KCNH1: variants seen among roughly 807,000 people sequenced by gnomAD.
KCNH1 encodes the protein potassium voltage-gated channel subfamily H member 1.
Under a neutral mutation model 69.2 loss-of-function variants are expected in KCNH1, and 27 were observed. The observed-to-expected ratio is 0.39, with a 90% CI of 0.29 to 0.54. The LOEUF (loss-of-function observed/expected upper bound fraction) is 0.54, where lower values mean the gene tolerates loss of function less well. Ranked by LOEUF, KCNH1 falls within the 20% of genes least tolerant of loss-of-function variation. KCNH1 has a pLI of 0.68. For synonymous variants in KCNH1, 456 were observed against 487.7 expected, an observed-to-expected ratio of 0.93 and a Z score of 0.86; for missense variants, 798 against 1,261.6, an observed-to-expected ratio of 0.63 and a Z score of 5.57.
chr1:210,880,050 A>G (rs1015946947), intron 7 of KCNH1, among the ~76,000 whole-genome samples: 3 of 152,186 alleles, frequency 2.0e-5, no homozygotes, highest in African/African-American at 7.2e-5. Flanking sequence ...TTTAAGATCT[A>G]TGTGAGGAAA....
rs532282159 is a variant in KCNH1, at chr1:210,716,077, C to A, written c.2113-31939G>T. Among the ~76,000 whole-genome samples, 162 of 152,202 alleles carry A rather than the reference C, an allele frequency of 1.1e-3. 2 individuals carry two copies. The highest frequency in any genetic ancestry group is 2.3e-3 in the South Asian group (11 of 4,820). ...ACACTGCCCTGCTCTTGCCCCCTCC[C>A]CCCGCCATTTCTACTCAGTTATATT... is the stretch of plus-strand genomic sequence containing the variant. On this transcript the variant is annotated intron_variant, in intron 10 of 10. Transcript: ENST00000271751.
chr1:210,973,658 T>C (rs1372508740), intron 6 of KCNH1, among the ~76,000 whole-genome samples: 1 of 152,190 alleles, frequency 6.6e-6, no homozygotes, highest in Non-Finnish European at 1.5e-5. Context: ...TATATAATTT[T>C]ATACAGTTTA....
At chr1:210,808,448 G>A (rs901628940) in intron 7 of KCNH1, among the ~76,000 whole-genome samples, 5 of 152,162 alleles carry the variant, frequency 3.3e-5, no homozygotes, top group Non-Finnish European at 2.9e-5. Context: ...ATTCTGGAAG[G>A]TTAAGGGTCC....
rs183304084 is a variant in KCNH1 at position 210,966,030 on chromosome 1, A to G, written c.1033-45961T>C. Among the ~76,000 whole-genome samples the G allele has an allele frequency of 5.2e-3, 786 of 152,344 alleles. 7 individuals carry two copies. Among genetic ancestry groups the G allele is most frequent in the African/African-American group, 0.018 (752 of 41,580 alleles). ...AAAACAGCATGGTACTGGTACCAAAACAGATATACAGACCAATGGAACAGA... is the reference window on the plus strand; with the variant it reads ...AAAACAGCATGGTACTGGTACCAAAGCAGATATACAGACCAATGGAACAGA... On this transcript the variant is annotated intron_variant, in intron 6 of 10. Transcript: ENST00000271751.
intron 10 of KCNH1, among the ~76,000 whole-genome samples, chr1:210,770,743 G>GAGAAAGATACTT (rs1010461543): frequency 6.6e-6 from 1 of 152,198 alleles, no homozygotes; most frequent in Non-Finnish European, 1.5e-5. Flanking sequence ...AAGGCCACTG[G>GAGAAAGATACTT]AGAAAGATAC....
intron 1 of KCNH1, among the ~76,000 whole-genome samples, chr1:211,125,181 C>T (rs1416304809): frequency 6.6e-6 from 1 of 152,206 alleles, no homozygotes; most frequent in African/African-American, 2.4e-5. Flanking sequence ...TCTTGCTTCC[C>T]ATTTCGTGTG....
At chr1:210,777,879 T>C (rs1683892959) in intron 9 of KCNH1, among the ~76,000 whole-genome samples, 1 of 152,214 alleles carries the variant, frequency 6.6e-6, no homozygotes, top group Admixed American at 6.5e-5. Flanking sequence ...CCTCAACCAA[T>C]AGAAAGTGGA....
chr1:210,944,570 C>T (rs775467327), intron 6 of KCNH1, among the ~76,000 whole-genome samples: 2 of 152,192 alleles, frequency 1.3e-5, no homozygotes, highest in African/African-American at 4.8e-5. Flanking sequence ...CACTGAGCCA[C>T]ACCCCTTCTC....
At chr1:211,090,431 CTA>C in intron 4 of KCNH1, 129 bp downstream of exon 4, 1 of 751,356 alleles carries the variant, frequency 1.3e-6, no homozygotes, top group Non-Finnish European at 2.1e-6. Context: ...GTGCTTTGCT[CTA>C]TACAAATTAA....
At chr1:210,994,380 T>C (rs1215653385) in intron 6 of KCNH1, among the ~76,000 whole-genome samples, 2 of 152,180 alleles carry the variant, frequency 1.3e-5, no homozygotes, top group African/African-American at 2.4e-5. Flanking sequence ...CCCTTCTCAC[T>C]AGTCAAATTG....
intron 6 of KCNH1, among the ~76,000 whole-genome samples, chr1:210,933,715 AAC>A (rs1272341195): frequency 6.6e-6 from 1 of 152,160 alleles, no homozygotes; most frequent in Non-Finnish European, 1.5e-5. Context: ...TACAATGGAT[AAC>A]ACAGAAATAG....
chr1:211,004,354 A>G (rs10863874), intron 6 of KCNH1, among the ~76,000 whole-genome samples: 59,539 of 151,934 alleles, frequency 0.39, 12,132 homozygotes, highest in Non-Finnish European at 0.44. Flanking sequence ...ATAAGACAAC[A>G]ATGAATATAC....
intron 10 of KCNH1, among the ~76,000 whole-genome samples, chr1:210,715,727 A>G (rs1250639935): frequency 6.6e-6 from 1 of 152,174 alleles, no homozygotes; most frequent in Non-Finnish European, 1.5e-5. Context: ...TTTAGCAACA[A>G]TAATCATCAA....
rs557933913 is a variant in KCNH1, at chr1:210,844,466, C to G, written c.1463-40300G>C. On this transcript the variant is annotated intron_variant, in intron 7 of 10. Transcript: ENST00000271751. ...CTACATGGAAACTGAACAACCTGCT[C>G]CTGAATGACTACTGGGTATATAATG... 9.8e-5 allele frequency among the ~76,000 whole-genome samples: 15 copies of G among 152,286 alleles called. No homozygotes were observed. The South Asian group carries it at 3.1e-3, about 32-fold the overall frequency.
chr1:211,094,312 C>A (rs550829201), intron 3 of KCNH1, among the ~76,000 whole-genome samples: 1 of 152,150 alleles, frequency 6.6e-6, no homozygotes, highest in Non-Finnish European at 1.5e-5. Context: ...TAGTAATGCT[C>A]GCTCAGCTGT....
intron 1 of KCNH1, among the ~76,000 whole-genome samples, chr1:211,129,471 C>T (rs1296973227): frequency 6.6e-6 from 1 of 152,190 alleles, no homozygotes; most frequent in African/African-American, 2.4e-5. Context: ...AATTTGGAAG[C>T]TTTATTTCCT....
At chr1:210,997,455 T>A (rs972032643) in intron 6 of KCNH1, among the ~76,000 whole-genome samples, 3 of 151,824 alleles carry the variant, frequency 2.0e-5, no homozygotes, top group Non-Finnish European at 4.4e-5. Context: ...GAAGGTAAGT[T>A]TAGAGAAAAA....
At chr1:210,835,340 A>AT (rs1685259695) in intron 7 of KCNH1, among the ~76,000 whole-genome samples, 2 of 152,196 alleles carry the variant, frequency 1.3e-5, no homozygotes, top group African/African-American at 4.8e-5. Context: ...AAATATGTTC[A>AT]TGTGTGCCAG....
At chr1:211,090,462 T>C (rs1283414385) in intron 4 of KCNH1, 100 bp downstream of exon 4, 3 of 1,036,778 alleles carry the variant, frequency 2.9e-6, no homozygotes, top group Non-Finnish European at 4.2e-6. Context: ...TCTTGAGGTT[T>C]GTAAAGTGAT....
Sources: gnomAD v4.1 joint callset for allele counts (sites outside exome capture counted in the v4.1 genomes callset) on GRCh38, gnomAD v4.1.1 for gene constraint, MANE v1.5 for transcripts, NCBI Gene and HGNC (gene_info 2026-07-23, HGNC 2026-07-21) for gene names.